Variants in CCDC69 observed in about 807,000 individuals in gnomAD.
CCDC69 encodes coiled-coil domain-containing protein 69.
Under a neutral mutation model 40.3 loss-of-function variants are expected in CCDC69, and 38 were observed. That is an observed-to-expected ratio of 0.94 (90% CI 0.73 to 1.24). The LOEUF is 1.24. Ranked by LOEUF, CCDC69 falls within the 50% of genes most tolerant of loss-of-function variation. The pLI, the probability that CCDC69 is intolerant of heterozygous loss-of-function variation, is 0.00. For missense variants in CCDC69, 389 were observed against 357.9 expected (o/e 1.09, Z -0.70); for synonymous variants, 141 against 138.9 (o/e 1.02, Z -0.11).
chr5:151,219,107 G>T (rs1471529961), intron 1 of CCDC69, among the ~76,000 whole-genome samples: 1 of 152,226 alleles, frequency 6.6e-6, no homozygotes, highest in African/African-American at 2.4e-5. Context: ...CGGAGGCCAT[G>T]TACATGCCAA....
At chr5:151,208,150 C>G (rs1752879220) in intron 1 of CCDC69, among the ~76,000 whole-genome samples, 1 of 152,120 alleles carries the variant, frequency 6.6e-6, no homozygotes, top group Non-Finnish European at 1.5e-5. Context: ...ACTCAGGAGG[C>G]TGAGGCATGA....
intron 4 of CCDC69, among the ~76,000 whole-genome samples, chr5:151,189,988 C>T (rs1319112685): frequency 1.3e-5 from 2 of 152,160 alleles, no homozygotes; most frequent in African/African-American, 4.8e-5. Context: ...ATCCCATATG[C>T]AGTGAAAATA....
chr5:151,214,430 G>A (rs1561605069), intron 1 of CCDC69, among the ~76,000 whole-genome samples: 1 of 152,076 alleles, frequency 6.6e-6, no homozygotes. Context: ...CCGAATTACA[G>A]AAGCTCAGAC....
In CCDC69 at chr5:151,182,641, C is replaced by A. The variant is rs1190652214; in HGVS notation, c.*796G>T. The A allele has an allele frequency of 1.3e-5, 3 of 236,800 alleles. No homozygotes were observed. The highest frequency in any genetic ancestry group is 2.5e-5 in the Non-Finnish European group (3 of 118,116). 14.7% of individuals were successfully genotyped at this position (236,800 alleles called of 1,614,324 possible). On this transcript the variant is annotated 3_prime_UTR_variant, in exon 9 of 9. Coordinates refer to ENST00000355417, the MANE Select transcript of CCDC69 (RefSeq NM_015621.3). ...GTTCCAGCTCTGATAGATGAATGGACTCACAACCACCAAGCTTGCCCCTGT... is the reference window on the plus strand; with the variant it reads ...GTTCCAGCTCTGATAGATGAATGGAATCACAACCACCAAGCTTGCCCCTGT...
At chr5:151,207,356 A>G (rs1752867015) in intron 1 of CCDC69, among the ~76,000 whole-genome samples, 1 of 152,068 alleles carries the variant, frequency 6.6e-6, no homozygotes, top group South Asian at 2.1e-4. Context: ...CAGTGGCGCA[A>G]TCTCAGCTCA....
chr5:151,183,501 T>C lies in CCDC69; in HGVS notation c.827A>G (p.Asn276Ser), dbSNP rs1355004747. Residue 276 changes from asparagine to serine, a missense_variant, in exon 9 of 9, where the codon AAT becomes AGT. Transcript: ENST00000355417. Reference protein sequence around the residue: ...EELLYRVLGANASPAFPLAPV... With the variant: ...EELLYRVLGASASPAFPLAPV... ...GGCCAGAGGGAAGGCAGGCGAGGCA[T>C]TGGCCCCAAGGACCCGGTACAACAG... The C allele has an allele frequency of 6.2e-6, 10 of 1,608,080 alleles. No homozygotes were observed. The highest frequency in any genetic ancestry group is 2.2e-5 in the South Asian group (2 of 89,322).
chr5:151,222,786 G>A (rs1753153183), intron 1 of CCDC69, among the ~76,000 whole-genome samples: 1 of 152,202 alleles, frequency 6.6e-6, no homozygotes, highest in African/African-American at 2.4e-5. Flanking sequence ...TTCTAGGTCA[G>A]GAGTTGGTGA....
chr5:151,200,628 TAGAATGAGGAAA>T (rs1752763210), intron 3 of CCDC69, among the ~76,000 whole-genome samples: 1 of 152,194 alleles, frequency 6.6e-6, no homozygotes, highest in African/African-American at 2.4e-5. Flanking sequence ...GTGACCAAGT[TAGAATGAGGAAA>T]AGGAAATCCT....
intron 1 of CCDC69, among the ~76,000 whole-genome samples, chr5:151,216,335 A>G (rs1753039673): frequency 1.3e-5 from 2 of 152,110 alleles, no homozygotes; most frequent in South Asian, 4.1e-4. Flanking sequence ...TGTCATCTCC[A>G]GAGAATGGAC....
intron 1 of CCDC69, among the ~76,000 whole-genome samples, chr5:151,215,345 T>C (rs908754665): frequency 2.6e-5 from 4 of 152,234 alleles, no homozygotes; most frequent in Non-Finnish European, 5.9e-5. Flanking sequence ...CTTCCTTTTC[T>C]GTGCTTCTGT....
intron 4 of CCDC69, among the ~76,000 whole-genome samples, chr5:151,189,595 T>C (rs1582039828): frequency 1.3e-5 from 2 of 150,824 alleles, no homozygotes; most frequent in South Asian, 2.1e-4. Context: ...AAAGAATGAT[T>C]GAATATTCCA....
In CCDC69 at chr5:151,191,516, T is replaced by C. The variant is rs540000561; in HGVS notation, c.320-4057A>G. Among the ~76,000 whole-genome samples the C allele has an allele frequency of 2.0e-5, 3 of 152,326 alleles. No individual in the cohort carries two copies. The South Asian group carries it at 6.2e-4, about 32-fold the overall frequency. Reference sequence around the variant, plus strand: ...TATAAAAGCAGCAAAATACAAACTATGTTCTCTGACTGTAATGCAATCAAA... The same window carrying C: ...TATAAAAGCAGCAAAATACAAACTACGTTCTCTGACTGTAATGCAATCAAA... On this transcript the variant is annotated intron_variant, in intron 4 of 8. Transcript: ENST00000355417.
At chr5:151,198,880 G>T (rs1317286559) in intron 4 of CCDC69, 117 bp downstream of exon 4, 2 of 776,400 alleles carry the variant, frequency 2.6e-6, no homozygotes, top group East Asian at 2.5e-5. Flanking sequence ...TGAGTCAATT[G>T]CTTGTGGATC....
chr5:151,202,426 T>C (rs1188115506), intron 2 of CCDC69, among the ~76,000 whole-genome samples: 1 of 152,212 alleles, frequency 6.6e-6, no homozygotes, highest in Non-Finnish European at 1.5e-5. Context: ...TTTTACTTAA[T>C]AATTCTGATT....
At chr5:151,184,498 C>T (rs67145573) in intron 7 of CCDC69, 57 bp from the exon 8 acceptor site, 100,972 of 1,065,484 alleles carry the variant, frequency 0.095, 5,936 homozygotes, top group East Asian at 0.22. Context: ...ACGATGTGTG[C>T]TGTCACCTCC....
chr5:151,194,649 C>CTT (rs1752668807), intron 4 of CCDC69, among the ~76,000 whole-genome samples: 1 of 152,150 alleles, frequency 6.6e-6, no homozygotes, highest in African/African-American at 2.4e-5. Context: ...AATCCCAGTA[C>CTT]TTTGGGAGGC....
At chr5:151,214,910 G>A (rs1305555104) in intron 1 of CCDC69, among the ~76,000 whole-genome samples, 1 of 152,178 alleles carries the variant, frequency 6.6e-6, no homozygotes, top group African/African-American at 2.4e-5. Context: ...CGATGACACT[G>A]AGGCCTAGAG....
At position 151,184,458 on chromosome 5, in the gene CCDC69, G is replaced by C; in HGVS notation, c.616-17C>G. Reference sequence around the variant, plus strand: ...TTTCTCTTTCTATAACAATGAGAATGAGCTCAGAAAGCTGCCAAACTCACG... The same window carrying C: ...TTTCTCTTTCTATAACAATGAGAATCAGCTCAGAAAGCTGCCAAACTCACG... On this transcript the variant is annotated splice_polypyrimidine_tract_variant and intron_variant, in intron 7 of 8. Transcript: ENST00000355417. 4 of 1,559,938 alleles carry C rather than the reference G, an allele frequency of 2.6e-6. No homozygotes were observed. The highest frequency in any genetic ancestry group is 3.5e-6 in the Non-Finnish European group (4 of 1,130,684).
chr5:151,214,286 C>CA (rs1365717886), intron 1 of CCDC69, among the ~76,000 whole-genome samples: 1 of 152,200 alleles, frequency 6.6e-6, no homozygotes, highest in Non-Finnish European at 1.5e-5. Context: ...TAACCACAGT[C>CA]AGAGCCTATT....
Sources: allele counts gnomAD v4.1 joint callset (sites outside exome capture counted in the v4.1 genomes callset), GRCh38; gene constraint gnomAD v4.1.1; transcripts MANE v1.5; gene names NCBI Gene and HGNC (gene_info 2026-07-23, HGNC 2026-07-21).